Variants in ERC2 observed in about 807,000 individuals in gnomAD.
ERC2 encodes ELKS/RAB6-interacting/CAST family member 2.
Under a neutral mutation model 114.8 loss-of-function variants are expected in ERC2, and 42 were observed. The ratio of observed to expected loss-of-function variants is 0.37; its 90% CI spans 0.29 to 0.47. ERC2 has a LOEUF of 0.47. ERC2 is among the 20% of genes least tolerant of loss of function. ERC2 has a pLI of 0.99. For missense variants in ERC2, 939 were observed against 1,150.7 expected (o/e 0.82, Z 2.66); for synonymous variants, 454 against 425.5 (o/e 1.07, Z -0.82).
At chr3:55,727,841 A>G (rs1342176274) in intron 15 of ERC2, among the ~76,000 whole-genome samples, 1 of 152,186 alleles carries the variant, frequency 6.6e-6, no homozygotes, top group African/African-American at 2.4e-5. Flanking sequence ...TTGGAATAAA[A>G]GTCCAAAATT....
At chr3:55,580,560 T>C (rs1453481041) in intron 17 of ERC2, among the ~76,000 whole-genome samples, 2 of 152,192 alleles carry the variant, frequency 1.3e-5, no homozygotes, top group Non-Finnish European at 2.9e-5. Flanking sequence ...ATAAGGGTGC[T>C]GGCTAGAGCA....
chr3:56,319,390 T>C (rs1203756233), intron 2 of ERC2, among the ~76,000 whole-genome samples: 2 of 152,128 alleles, frequency 1.3e-5, no homozygotes, highest in East Asian at 1.9e-4. Context: ...ATAAGCCAGT[T>C]ACAGAAGAAC....
intron 2 of ERC2, among the ~76,000 whole-genome samples, chr3:56,321,914 A>G (rs1445858706): frequency 6.6e-6 from 1 of 152,226 alleles, no homozygotes; most frequent in East Asian, 1.9e-4. Flanking sequence ...AACAAGAGAT[A>G]AATCATGTAT....
chr3:56,036,054 A>T (rs1331686589), intron 7 of ERC2, among the ~76,000 whole-genome samples: 2 of 152,206 alleles, frequency 1.3e-5, no homozygotes, highest in Admixed American at 1.3e-4. Context: ...GAATTGTTCA[A>T]CATATGCAAA....
intron 17 of ERC2, among the ~76,000 whole-genome samples, chr3:55,630,192 G>A (rs955710121): frequency 7.9e-5 from 12 of 152,098 alleles, no homozygotes; most frequent in South Asian, 6.2e-4. Context: ...TTTTTGAGAC[G>A]GAGTTTCGCT....
chr3:56,085,318 G>A (rs780682389), intron 6 of ERC2, among the ~76,000 whole-genome samples: 4 of 152,182 alleles, frequency 2.6e-5, no homozygotes, highest in Non-Finnish European at 4.4e-5. Context: ...AAGCTGGGAG[G>A]TCCCCGTAGG....
chr3:56,303,257 C>T (rs1181244672), intron 2 of ERC2, among the ~76,000 whole-genome samples: 1 of 152,188 alleles, frequency 6.6e-6, no homozygotes, highest in African/African-American at 2.4e-5. Flanking sequence ...GCTTTTAACC[C>T]AATCCTGTTT....
intron 3 of ERC2, among the ~76,000 whole-genome samples, chr3:56,265,911 C>A (rs150292362): frequency 8.3e-4 from 126 of 151,522 alleles, no homozygotes; most frequent in African/African-American, 2.9e-3. Context: ...TGCCTGTAGT[C>A]CCAGCTACTC....
rs542023903 is a variant in ERC2, at chr3:55,955,310, C to T, written c.2268-4750G>A. ...TGTGTAAGTGGGGTATAAATACACA[C>T]ATGAAGATGCACAAATATTAAGTGT... On this transcript the variant is annotated intron_variant, in intron 12 of 17. Transcript: ENST00000288221. 343 of 405,906 alleles carry T rather than the reference C, an allele frequency of 8.5e-4. 3 individuals are homozygous for T. The highest frequency in any genetic ancestry group is 6.0e-3 in the South Asian group (331 of 55,120). 25.1% of individuals were successfully genotyped at this position (405,906 alleles called of 1,614,324 possible). A position where few individuals can be genotyped will look rare whatever the true frequency, so the allele number is the denominator to read the frequency against.
intron 17 of ERC2, among the ~76,000 whole-genome samples, chr3:55,664,712 G>A (rs1173923592): frequency 1.3e-5 from 2 of 152,114 alleles, no homozygotes; most frequent in East Asian, 3.9e-4. Context: ...TACATACCGC[G>A]GCCCAGAGCT....
chr3:56,153,891 AT>A (rs1319827401), intron 4 of ERC2, among the ~76,000 whole-genome samples: 3 of 152,340 alleles, frequency 2.0e-5, no homozygotes, highest in East Asian at 3.9e-4. Context: ...AGAGCATTGA[AT>A]TCACTGTGAT....
chr3:56,296,067 CAAG>C lies in ERC2; in HGVS notation c.1023_1025del (p.His341_Leu342delinsGln), dbSNP rs767381400. 6.2e-7 allele frequency: 1 copy of C among 1,609,308 alleles called. No homozygotes were observed. The highest frequency in any genetic ancestry group is 1.1e-5 in the South Asian group (1 of 90,664). On this transcript the variant is annotated inframe_deletion, in exon 3 of 18. Coordinates refer to ENST00000288221, the MANE Select transcript of ERC2 (RefSeq NM_015576.3). ...TCTCTTTCTGATCTAAAATCACTTC[CAAG>C]TGGCTGACCTGAGACTCAGCCTCTG... is the stretch of plus-strand genomic sequence containing the variant.
intron 11 of ERC2, among the ~76,000 whole-genome samples, chr3:55,988,490 A>T (rs2149518714): frequency 6.6e-6 from 1 of 152,384 alleles, no homozygotes; most frequent in African/African-American, 2.4e-5. Flanking sequence ...TGCATTGTGT[A>T]AATGCCAGCC....
intron 14 of ERC2, among the ~76,000 whole-genome samples, chr3:55,831,643 T>C (rs938823384): frequency 6.6e-6 from 1 of 152,154 alleles, no homozygotes. Flanking sequence ...GATGGCCGAA[T>C]AGGAACAACT....
intron 17 of ERC2, among the ~76,000 whole-genome samples, chr3:55,641,263 A>C (rs1214150373): frequency 6.6e-6 from 1 of 152,180 alleles, no homozygotes; most frequent in Non-Finnish European, 1.5e-5. Context: ...ATAAGAGCCA[A>C]TATAGGCCAG....
At chr3:55,592,345 C>T (rs1163868685) in intron 17 of ERC2, among the ~76,000 whole-genome samples, 1 of 152,150 alleles carries the variant, frequency 6.6e-6, no homozygotes, top group Non-Finnish European at 1.5e-5. Flanking sequence ...TGGATTCCAC[C>T]CTTTCTAGGC....
chr3:55,753,418 C>T (rs1246745500), intron 14 of ERC2, among the ~76,000 whole-genome samples: 2 of 152,084 alleles, frequency 1.3e-5, no homozygotes, highest in Non-Finnish European at 2.9e-5. Context: ...ACAGAAGATC[C>T]CCCACAGGAA....
chr3:56,387,336 A>T (rs1172758639), intron 2 of ERC2, among the ~76,000 whole-genome samples: 1 of 152,164 alleles, frequency 6.6e-6, no homozygotes, highest in African/African-American at 2.4e-5. Context: ...AATTCTGCAT[A>T]ATCCTCAAGG....
At chr3:56,454,792 G>A (rs541461399) in intron 1 of ERC2, among the ~76,000 whole-genome samples, 9 of 145,202 alleles carry the variant, frequency 6.2e-5, no homozygotes, top group African/African-American at 2.3e-4. Flanking sequence ...CAGAGGTTGA[G>A]AGGTTGCAGC....
Sources: allele counts gnomAD v4.1 joint callset (sites outside exome capture counted in the v4.1 genomes callset), GRCh38; gene constraint gnomAD v4.1.1; transcripts MANE v1.5; gene names NCBI Gene and HGNC (gene_info 2026-07-23, HGNC 2026-07-21).